LAMA2: variants seen among roughly 807,000 people sequenced by gnomAD.
The protein encoded by LAMA2 is laminin subunit alpha-2.
Under a neutral mutation model 364.8 loss-of-function variants are expected in LAMA2, and 269 were observed. The ratio of observed to expected loss-of-function variants is 0.74; its 90% confidence interval spans 0.67 to 0.82. The LOEUF (loss-of-function observed/expected upper bound fraction) is 0.82, where lower values mean the gene tolerates loss of function less well. Ranked by LOEUF, LAMA2 falls within the 40% of genes least tolerant of loss-of-function variation. The pLI is 0.00. For synonymous variants in LAMA2, 1,379 were observed against 1,370.6 expected, an observed-to-expected ratio of 1.01 and a Z score of -0.14; for missense variants, 3,807 against 3,873.2, an observed-to-expected ratio of 0.98 and a Z score of 0.45.
At chr6:128,966,577 C>T (rs1174119310) in intron 1 of LAMA2, among the ~76,000 whole-genome samples, 2 of 152,022 alleles carry the variant, frequency 1.3e-5, no homozygotes, top group East Asian at 1.9e-4. Context: ...TCCAGCTGTT[C>T]TTAAGAAAGA....
chr6:129,329,236 C>G (rs886147827), intron 29 of LAMA2, among the ~76,000 whole-genome samples: 2 of 152,210 alleles, frequency 1.3e-5, no homozygotes, highest in Non-Finnish European at 2.9e-5. Context: ...ATGGTCAAAA[C>G]AGGCAAAATA....
Position 129,098,218 on chromosome 6 carries a change from C to T in LAMA2, c.442C>T (p.Arg148Trp), listed in dbSNP as rs752485547. 3.1e-6 allele frequency: 5 copies of T among 1,613,902 alleles called. No homozygotes were observed. The highest frequency in any genetic ancestry group is 2.2e-5 in the South Asian group (2 of 91,076). ...YVIVKAANSP[R>W]PGNWILERSL... ...GATTGTGAAGGCAGCTAACTCCCCC[C>T]GGCCTGGAAACTGGATTTTGGAACG... The change falls in exon 4 of 65, where the codon CGG (arginine) becomes TGG (tryptophan). Residue 148 changes from arginine to tryptophan, a missense_variant. By Grantham distance (101) the Arg-to-Trp change is moderately radical. Transcript: ENST00000421865.
intron 5 of LAMA2, among the ~76,000 whole-genome samples, 155 bp downstream of exon 5, chr6:129,144,235 G>T (rs1280832416): frequency 2.6e-5 from 4 of 151,250 alleles, no homozygotes; most frequent in Non-Finnish European, 4.4e-5. Context: ...ATTATTATTT[G>T]AAATTTGACA....
chr6:129,015,232 C>T (rs183850614), intron 1 of LAMA2, among the ~76,000 whole-genome samples: 74 of 152,196 alleles, frequency 4.9e-4, no homozygotes, highest in African/African-American at 1.6e-3. Flanking sequence ...CCTAAAAACA[C>T]ATACAGGTTT....
In LAMA2 at chr6:129,287,976, T is replaced by TA. The variant is rs1231027193; in HGVS notation, c.2670dup (p.Pro891ThrfsTer9). On this transcript the variant is annotated frameshift_variant, in exon 19 of 65. Transcript: ENST00000421865. LOFTEE classifies it high-confidence loss of function. ...GCTTGTCTGGCTCCTGTCTGATATGTAAACCAGGTACAACAGGCCGGTACT... is the reference window on the plus strand; with the variant it reads ...GCTTGTCTGGCTCCTGTCTGATATGTAAAACCAGGTACAACAGGCCGGTACT... 6.2e-7 allele frequency: 1 copy of TA among 1,614,156 alleles called. No individual in the cohort carries two copies. The highest frequency in any genetic ancestry group is 1.3e-5 in the African/African-American group (1 of 75,042).
intron 62 of LAMA2, among the ~76,000 whole-genome samples, chr6:129,508,431 T>TTA (rs1554317570): frequency 0.049 from 7,424 of 150,674 alleles, 234 homozygotes; most frequent in Non-Finnish European, 0.072. Context: ...TTTTTTTTTT[T>TTA]ACTGTAGTTA....
intron 9 of LAMA2, 99 bp downstream of exon 9, chr6:129,165,774 T>G: frequency 1.3e-6 from 1 of 784,942 alleles, no homozygotes; most frequent in Non-Finnish European, 2.2e-6. Flanking sequence ...ATGTTATTCA[T>G]GTAATAAATT....
At chr6:129,076,627 C>T (rs1335943345) in intron 3 of LAMA2, among the ~76,000 whole-genome samples, 1 of 150,720 alleles carries the variant, frequency 6.6e-6, no homozygotes, top group African/African-American at 2.4e-5. Flanking sequence ...TTTATGTAAA[C>T]ACACAAATGT....
chr6:129,178,484 A>G (rs761403544), intron 10 of LAMA2, among the ~76,000 whole-genome samples: 1 of 152,214 alleles, frequency 6.6e-6, no homozygotes, highest in African/African-American at 2.4e-5. Context: ...TATAAACATT[A>G]TGAAGCATAC....
chr6:129,442,249 T>C (rs780332135), intron 43 of LAMA2: 3 of 1,301,858 alleles, frequency 2.3e-6, no homozygotes, highest in South Asian at 2.5e-5. Context: ...TGCTATGATA[T>C]AATAGACATT....
intron 48 of LAMA2, among the ~76,000 whole-genome samples, chr6:129,457,158 GA>G (rs1362726156): frequency 6.6e-6 from 1 of 152,068 alleles, no homozygotes; most frequent in African/African-American, 2.4e-5. Flanking sequence ...CCTGAGTTGA[GA>G]TTAGTCAGAA....
At chr6:129,338,133 A>C (rs1776060203) in intron 29 of LAMA2, among the ~76,000 whole-genome samples, 1 of 152,216 alleles carries the variant, frequency 6.6e-6, no homozygotes, top group South Asian at 2.1e-4. Flanking sequence ...AAGAGAAACA[A>C]AATCATATTT....
chr6:129,400,498 G>A (rs1779908066), intron 37 of LAMA2, among the ~76,000 whole-genome samples: 1 of 152,166 alleles, frequency 6.6e-6, no homozygotes, highest in African/African-American at 2.4e-5. Context: ...TATAATTGAT[G>A]CAGTTAAATC....
intron 34 of LAMA2, among the ~76,000 whole-genome samples, chr6:129,374,322 G>C (rs996365132): frequency 1.3e-5 from 2 of 152,186 alleles, no homozygotes; most frequent in African/African-American, 4.8e-5. Context: ...TATGAGAAAT[G>C]CAGTGGCCAC....
At chr6:129,403,718 A>C (rs750032763) in intron 39 of LAMA2, 103 bp from the exon 40 acceptor site, 62 of 1,019,354 alleles carry the variant, frequency 6.1e-5, no homozygotes, top group Non-Finnish European at 9.5e-5. Context: ...TCATAGATAT[A>C]TTGGCCATGA....
chr6:128,984,629 C>A (rs1356510807), intron 1 of LAMA2, among the ~76,000 whole-genome samples: 2 of 148,552 alleles, frequency 1.3e-5, no homozygotes, highest in East Asian at 4.0e-4. Context: ...AAACAAGGTT[C>A]TTTTGTAGAG....
chr6:129,287,789 A>C, intron 18 of LAMA2, 58 bp from the exon 19 acceptor site: 1 of 1,346,368 alleles, frequency 7.4e-7, no homozygotes, highest in East Asian at 2.3e-5. Flanking sequence ...AAAAATATGT[A>C]AACATTGCCC....
chr6:128,921,185 T>G (rs189103712), intron 1 of LAMA2, among the ~76,000 whole-genome samples: 1 of 152,346 alleles, frequency 6.6e-6, no homozygotes. Flanking sequence ...ATCTCTCCTT[T>G]TTTAAAAGTT....
rs543229712 is a variant in LAMA2, at chr6:129,309,963, G to A, written c.3175-2898G>A. ...CACCCAGGCTGGAGTGCAGTGGCGC[G>A]ATCTCGGCTCACTGCAAGCTCCGCC... On this transcript the variant is annotated intron_variant, in intron 22 of 64. Coordinates refer to ENST00000421865, the MANE Select transcript of LAMA2 (RefSeq NM_000426.4). Among the ~76,000 whole-genome samples, 34 of 146,538 alleles carry A rather than the reference G, an allele frequency of 2.3e-4. 1 individual carries two copies. The South Asian group carries it at 7.3e-3, about 31-fold the overall frequency.
Sources: gnomAD v4.1 joint callset for allele counts (sites outside exome capture counted in the v4.1 genomes callset) on GRCh38, gnomAD v4.1.1 for gene constraint, MANE v1.5 for transcripts, NCBI Gene and HGNC (gene_info 2026-07-23, HGNC 2026-07-21) for gene names.